ARSG: variants seen among roughly 807,000 people sequenced by gnomAD.
ARSG encodes arylsulfatase G, also known as ASG.
A neutral mutation model predicts 50.5 loss-of-function variants in ARSG; 37 were observed. That is an observed-to-expected ratio of 0.73 (90% CI 0.56 to 0.96). ARSG has a LOEUF of 0.96. Ranked by LOEUF, ARSG falls within the 50% of genes least tolerant of loss-of-function variation. The pLI is 0.00. For synonymous variants in ARSG, 225 were observed against 254.6 expected (o/e 0.88, Z 1.11); for missense variants, 629 against 675.3 (o/e 0.93, Z 0.76).
At chr17:68,351,299 A>G (rs1362249453) in intron 4 of ARSG, among the ~76,000 whole-genome samples, 2 of 152,024 alleles carry the variant, frequency 1.3e-5, no homozygotes, top group African/African-American at 2.4e-5. Flanking sequence ...ATTTCGTTGA[A>G]GATGTTAGGC....
chr17:68,424,359 C>T (rs188513993), downstream of ARSG: 95 of 501,582 alleles, frequency 1.9e-4, 1 homozygote, highest in African/African-American at 1.7e-3. Context: ...AGGGCCCCAC[C>T]GCAGCTTTGT....
At chr17:68,314,346 A>G (rs1049343768) in intron 2 of ARSG, among the ~76,000 whole-genome samples, 1 of 151,860 alleles carries the variant, frequency 6.6e-6, no homozygotes, top group Non-Finnish European at 1.5e-5. Flanking sequence ...GACCAACAAG[A>G]AGAAACCCCA....
At chr17:68,260,959 G>GT (rs1555745088) in intron 1 of ARSG, among the ~76,000 whole-genome samples, 3 of 152,180 alleles carry the variant, frequency 2.0e-5, no homozygotes, top group African/African-American at 7.2e-5. Context: ...TCATCCCACT[G>GT]TTTTCTTTAG....
chr17:68,401,298 C>G lies in ARSG; in HGVS notation c.1213-62C>G, dbSNP rs141077819. 6.9e-3 allele frequency: 9,904 copies of G among 1,437,692 alleles called. 47 individuals carry two copies. Among genetic ancestry groups the G allele is most frequent in the Non-Finnish European group, 8.2e-3 (8,349 of 1,023,368 alleles). The allele number at this position is 1,437,692 out of a possible 1,614,324, so 89.1% of individuals were successfully genotyped here. A position where few individuals can be genotyped will look rare whatever the true frequency, so the allele number is the denominator to read the frequency against. ...TCGACCTCCCAAGGTATTGGGATTA[C>G]AGGCATGAGTCACCGAGTTCTGCCA... On this transcript the variant is annotated intron_variant, in intron 10 of 11. Coordinates refer to ENST00000621439, the MANE Select transcript of ARSG (RefSeq NM_001267727.2).
chr17:68,427,010 G>T, downstream of ARSG: 1 of 756,182 alleles, frequency 1.3e-6, no homozygotes, highest in Non-Finnish European at 2.2e-6. Context: ...CAGTGAAGGG[G>T]GAAGGGGAGG....
chr17:68,328,385 C>T (rs1030885507), intron 2 of ARSG, among the ~76,000 whole-genome samples: 3 of 152,150 alleles, frequency 2.0e-5, no homozygotes, highest in Admixed American at 1.3e-4. Context: ...AAGAAGATAA[C>T]TGAGGCTTAG....
chr17:68,429,021 A>C, the ARSG span: 2 of 995,082 alleles, frequency 2.0e-6, no homozygotes, highest in Non-Finnish European at 3.1e-6. Context: ...CCCTCACCCT[A>C]GCTGTCACCA....
intron 9 of ARSG, among the ~76,000 whole-genome samples, chr17:68,394,532 GGAGTCAGACGAGTA>G (rs1376795911): frequency 4.6e-5 from 7 of 152,130 alleles, no homozygotes; most frequent in Non-Finnish European, 8.8e-5. Context: ...AGCTACTCTT[GGAGTCAGACGAGTA>G]TTACTTCAGC....
intron 2 of ARSG, among the ~76,000 whole-genome samples, chr17:68,336,169 G>C (rs1304808722): frequency 6.6e-6 from 1 of 151,740 alleles, no homozygotes; most frequent in Non-Finnish European, 1.5e-5. Flanking sequence ...AAAGTGCTGG[G>C]ATTACAGGTG....
rs151150532 is a variant in ARSG at position 68,415,048 on chromosome 17, G to A, written c.1304-5141G>A. The stretch of plus-strand genomic sequence containing the variant: ...TTCATTTAGTTCTGCTCTGATCTTG[G>A]TTATTTCCTTTTGTCTGCTGGGTTT... On this transcript the variant is annotated intron_variant, in intron 11 of 11. Coordinates refer to ENST00000621439, the MANE Select transcript of ARSG (RefSeq NM_001267727.2). Among the ~76,000 whole-genome samples, 1,359 of 151,878 alleles carry A rather than the reference G, an allele frequency of 8.9e-3. 23 individuals carry two copies. The highest frequency in any genetic ancestry group is 0.031 in the African/African-American group (1,284 of 41,402).
intron 9 of ARSG, among the ~76,000 whole-genome samples, chr17:68,388,847 C>T (rs897863911): frequency 1.3e-5 from 2 of 150,402 alleles, no homozygotes; most frequent in Non-Finnish European, 2.9e-5. Context: ...ATTGCTTGAA[C>T]CCAAGAGGCG....
intron 11 of ARSG, chr17:68,413,715 CG>C (rs1474150793): frequency 6.3e-6 from 1 of 159,942 alleles, no homozygotes; most frequent in African/African-American, 2.4e-5. Context: ...CCCCCAGCCT[CG>C]CTGCCGCCTT....
intron 11 of ARSG, among the ~76,000 whole-genome samples, chr17:68,413,375 G>A (rs1186334592): frequency 6.6e-6 from 1 of 151,868 alleles, no homozygotes; most frequent in Admixed American, 6.6e-5. Context: ...TTGGAGTACT[G>A]GGCCCTGTGA....
chr17:68,313,071 C>T (rs1319996756), intron 2 of ARSG, among the ~76,000 whole-genome samples: 1 of 152,120 alleles, frequency 6.6e-6, no homozygotes, highest in African/African-American at 2.4e-5. Flanking sequence ...ACCATCCTGG[C>T]TAACGTGGTG....
chr17:68,421,581 C>T (rs535393204), downstream of ARSG: 76 of 671,054 alleles, frequency 1.1e-4, no homozygotes, highest in East Asian at 3.5e-4. Flanking sequence ...ATGTCTCCCG[C>T]GCCCATTGGC....
the ARSG span, among the ~76,000 whole-genome samples, chr17:68,437,547 G>A: frequency 6.0e-5 from 9 of 150,174 alleles, no homozygotes; most frequent in Non-Finnish European, 1.2e-4. Flanking sequence ...GTGAGGTTCT[G>A]TCTTAAGAAA....
At chr17:68,428,819 G>A in the ARSG span, 7 of 1,603,582 alleles carry the variant, frequency 4.4e-6, no homozygotes, top group Admixed American at 8.3e-5. Flanking sequence ...TTGAAAAGCA[G>A]TCTCTTCACC....
At chr17:68,266,349 T>TC (rs2075158811) in intron 1 of ARSG, among the ~76,000 whole-genome samples, 1 of 143,736 alleles carries the variant, frequency 7.0e-6, no homozygotes, top group Middle Eastern at 3.8e-3. Flanking sequence ...AATAAAATCG[T>TC]CCTGTTTTCA....
intron 5 of ARSG, among the ~76,000 whole-genome samples, chr17:68,355,329 C>G (rs1457531320): frequency 6.6e-6 from 1 of 152,164 alleles, no homozygotes; most frequent in African/African-American, 2.4e-5. Flanking sequence ...GGGTCAGATT[C>G]ATTTCAATCT....
Sources: allele counts gnomAD v4.1 joint callset (sites outside exome capture counted in the v4.1 genomes callset), GRCh38; gene constraint gnomAD v4.1.1; transcripts MANE v1.5; gene names NCBI Gene and HGNC (gene_info 2026-07-23, HGNC 2026-07-21).